Variants in MRC1 observed in about 807,000 individuals in gnomAD.
MRC1 encodes the protein mannose receptor C-type 1, also known as macrophage mannose receptor 1.
MRC1 carries 62 observed loss-of-function variants against 102.9 expected under a neutral mutation model. The observed-to-expected ratio is 0.60, with a 90% CI of 0.49 to 0.74. The LOEUF (loss-of-function observed/expected upper bound fraction) is 0.74, where lower values mean the gene tolerates loss of function less well. Among genes scored for constraint, MRC1 ranks in the 30% least tolerant of loss-of-function variants. The probability of loss-of-function intolerance (pLI) is 0.00; values close to 1 mark genes in which losing one functional copy is unlikely to be tolerated. For synonymous variants in MRC1, 457 were observed against 298.4 expected, an observed-to-expected ratio of 1.53 and a Z score of -5.48; for missense variants, 1,237 against 862.8, an observed-to-expected ratio of 1.43 and a Z score of -5.43.
rs1260418339 is a variant in MRC1, at chr10:17,809,617, C to A, written c.61+91C>A. On this transcript the variant is annotated intron_variant, in intron 1 of 29. Transcript: ENST00000569591. The stretch of plus-strand genomic sequence containing the variant: ...GTTACTGTGAATGGGTTCCTTTCAA[C>A]ATCTTTGTGAGGAGGAAACGGGGTT... The A allele has an allele frequency of 1.1e-5, 9 of 832,264 alleles. No homozygotes were observed. The African/African-American group carries it at 1.3e-4, about 12-fold the overall frequency. 51.6% of individuals were successfully genotyped at this position (832,264 alleles called of 1,614,324 possible).
At chr10:17,874,524 T>C (rs1395503364) in intron 16 of MRC1, among the ~76,000 whole-genome samples, 2 of 152,144 alleles carry the variant, frequency 1.3e-5, no homozygotes, top group Non-Finnish European at 2.9e-5. Context: ...TAAGCTAACA[T>C]TCATAGGTTC....
intron 2 of MRC1, among the ~76,000 whole-genome samples, chr10:17,827,038 T>A (rs2130598561): frequency 6.6e-6 from 1 of 152,166 alleles, no homozygotes; most frequent in South Asian, 2.1e-4. Flanking sequence ...AGCTCCATGA[T>A]TCCAATCAAG....
intron 1 of MRC1, among the ~76,000 whole-genome samples, chr10:17,813,962 G>A (rs1211056947): frequency 6.6e-6 from 1 of 151,980 alleles, no homozygotes; most frequent in Non-Finnish European, 1.5e-5. Context: ...GCCTCCCAAA[G>A]TGCTGGGATT....
rs1833218774 is a variant in MRC1 at position 17,863,674 on chromosome 10, A to C, written c.1775A>C (p.Asp592Ala). 1 of 780,832 alleles carries C rather than the reference A, an allele frequency of 1.3e-6. No homozygotes were observed. Among genetic ancestry groups the C allele is most frequent in the Non-Finnish European group, 2.4e-6 (1 of 417,958 alleles). 48.4% of individuals were successfully genotyped at this position (780,832 alleles called of 1,614,324 possible). A position where few individuals can be genotyped will look rare whatever the true frequency, so the allele number is the denominator to read the frequency against. The stretch of plus-strand genomic sequence containing the variant: ...GTTCGGTTCACCCACTGGAATTCAG[A>C]TATGCCAGGTACGGGCAGCGCTTAG... ...EEVRFTHWNSDMPGRKPGCVA... is the reference protein window; with the variant it reads ...EEVRFTHWNSAMPGRKPGCVA... The change falls in exon 11 of 30, where the codon GAT becomes GCT. Residue 592 changes from aspartate to alanine, a missense_variant. Physicochemically the swap from Asp to Ala is moderately radical, Grantham distance 126. Transcript: ENST00000569591.
chr10:17,900,379 A>C (rs2130717090), intron 24 of MRC1, among the ~76,000 whole-genome samples: 1 of 152,228 alleles, frequency 6.6e-6, no homozygotes, highest in Non-Finnish European at 1.5e-5. Context: ...CATTTCTCTC[A>C]GGTGTCCATG....
chr10:17,816,323 T>C (rs1838312068), intron 1 of MRC1, among the ~76,000 whole-genome samples: 1 of 152,138 alleles, frequency 6.6e-6, no homozygotes, highest in Non-Finnish European at 1.5e-5. Flanking sequence ...GTTAGTTTAT[T>C]TGGGAAGTGA....
In MRC1 at chr10:17,840,785, C is replaced by T. The variant is rs1838738349; in HGVS notation, c.895C>T (p.Arg299Ter). Residue 299 changes from arginine to a stop codon, truncating the protein, a stop_gained, in exon 5 of 30, where the codon CGA (arginine) becomes TGA (stop). Transcript: ENST00000569591. LOFTEE classifies it high-confidence loss of function. ...GCAGTGGAGTGACCGCAGTCCTTTC[C>T]GATATTTGAACTGGTTACCAGGTAG... ...GWQWSDRSPF[R>*]YLNWLPGSPS... The T allele has an allele frequency of 1.3e-6, 1 of 780,812 alleles. No homozygotes were observed. 48.4% of individuals were successfully genotyped at this position (780,812 alleles called of 1,614,324 possible).
chr10:17,862,318 T>C (rs1409525942), intron 10 of MRC1, among the ~76,000 whole-genome samples: 4 of 152,334 alleles, frequency 2.6e-5, no homozygotes, highest in African/African-American at 7.2e-5. Context: ...CATATATATT[T>C]AAATGTCTAA....
chr10:17,882,287 A>T (rs909516750), intron 21 of MRC1, among the ~76,000 whole-genome samples: 2 of 152,018 alleles, frequency 1.3e-5, no homozygotes, highest in Non-Finnish European at 2.9e-5. Context: ...ACTTTGAAGG[A>T]TCATCCTGTG....
Position 17,902,015 on chromosome 10 carries a change from C to G in MRC1, c.3692C>G (p.Pro1231Arg), listed in dbSNP as rs1403996328. Reference sequence around the variant, plus strand: ...CCCCCACAACTGCCTGGCAGATGCCCGGAGTCAGATCACACAGCATGGATT... The same window carrying G: ...CCCCCACAACTGCCTGGCAGATGCCGGGAGTCAGATCACACAGCATGGATT... ...TEPPQLPGRC[P>R]ESDHTAWIPF... Residue 1231 changes from proline to arginine, a missense_variant, in exon 26 of 30, where the codon CCG becomes CGG. Coordinates refer to ENST00000569591, the MANE Select transcript of MRC1 (RefSeq NM_002438.4). 2.6e-6 allele frequency: 2 copies of G among 780,614 alleles called. No individual in the cohort carries two copies. The highest frequency in any genetic ancestry group is 1.7e-5 in the African/African-American group (1 of 59,088). The allele number at this position is 780,614 out of a possible 1,614,324, so 48.4% of individuals were successfully genotyped here. A position where few individuals can be genotyped will look rare whatever the true frequency, so the allele number is the denominator to read the frequency against.
intron 22 of MRC1, among the ~76,000 whole-genome samples, chr10:17,886,438 T>C (rs1833596634): frequency 2.0e-5 from 3 of 148,748 alleles, no homozygotes; most frequent in Non-Finnish European, 3.0e-5. Flanking sequence ...ATTGCCACCC[T>C]GTTACCCAGG....
chr10:17,833,022 C>A (rs1838602740), intron 3 of MRC1, among the ~76,000 whole-genome samples: 1 of 148,106 alleles, frequency 6.8e-6, no homozygotes, highest in Non-Finnish European at 1.5e-5. Flanking sequence ...CACCCTCCCA[C>A]CCTCCCACCT....
intron 1 of MRC1, among the ~76,000 whole-genome samples, chr10:17,822,567 GCCATGATTGCA>G (rs1466751771): frequency 6.6e-6 from 1 of 152,224 alleles, no homozygotes; most frequent in Non-Finnish European, 1.5e-5. Flanking sequence ...GCTACAGTGA[GCCATGATTGCA>G]CCACTGCACT....
In MRC1 at chr10:17,907,011, A is replaced by T; in HGVS notation, c.3913+12A>T. On this transcript the variant is annotated intron_variant, in intron 27 of 29. Transcript: ENST00000569591. ...CAGAAATGTTGAAGGTAATTTTTGC[A>T]GCATGCTTATTTAATCACAAATATT... 1.3e-6 allele frequency: 1 copy of T among 780,642 alleles called. No individual in the cohort carries two copies. The highest frequency in any genetic ancestry group is 2.4e-6 in the Non-Finnish European group (1 of 417,898). 48.4% of individuals were successfully genotyped at this position (780,642 alleles called of 1,614,324 possible).
chr10:17,839,420 G>A (rs1208620139), intron 4 of MRC1, among the ~76,000 whole-genome samples: 1 of 152,110 alleles, frequency 6.6e-6, no homozygotes, highest in Non-Finnish European at 1.5e-5. Flanking sequence ...ACTTTTAGGA[G>A]CATGTCCTGT....
chr10:17,825,513 A>G (rs983547877), intron 2 of MRC1, among the ~76,000 whole-genome samples: 1 of 152,120 alleles, frequency 6.6e-6, no homozygotes, highest in Non-Finnish European at 1.5e-5. Flanking sequence ...GGCTAAGGCA[A>G]GAGGATCACT....
In MRC1 at chr10:17,845,270, C is replaced by A; in HGVS notation, c.917-19C>A. The stretch of plus-strand genomic sequence containing the variant: ...GAATAGCTATAATAGTCCACTTTAA[C>A]TTTTCCTTTTCCTCGAAGGAAGTCC... On this transcript the variant is annotated intron_variant, in intron 5 of 29. Transcript: ENST00000569591. The A allele has an allele frequency of 1.3e-6, 1 of 780,802 alleles. No individual in the cohort carries two copies. The allele number at this position is 780,802 out of a possible 1,614,324, so 48.4% of individuals were successfully genotyped here. A position where few individuals can be genotyped will look rare whatever the true frequency, so the allele number is the denominator to read the frequency against.
rs1368350322 is a variant in MRC1 at position 17,846,999 on chromosome 10, A to T, written c.1063+1564A>T. 4.6e-5 allele frequency among the ~76,000 whole-genome samples: 7 copies of T among 152,262 alleles called. No individual in the cohort carries two copies. In the East Asian group the frequency reaches 1.3e-3, roughly 29 times the overall value. ...GTGTTTGCAATTTTAATTGATATAGATTTGGCCAAGATCCTAAATAGATAT... is the reference window on the plus strand; with the variant it reads ...GTGTTTGCAATTTTAATTGATATAGTTTTGGCCAAGATCCTAAATAGATAT... On this transcript the variant is annotated intron_variant, in intron 6 of 29. Coordinates refer to ENST00000569591, the MANE Select transcript of MRC1 (RefSeq NM_002438.4).
At chr10:17,897,024 C>A (rs1175112887) in intron 23 of MRC1, among the ~76,000 whole-genome samples, 2 of 152,138 alleles carry the variant, frequency 1.3e-5, no homozygotes, top group East Asian at 3.8e-4. Flanking sequence ...TGATCATAGG[C>A]AATACACAAA....
Sources: gnomAD v4.1 joint callset for allele counts (sites outside exome capture counted in the v4.1 genomes callset) on GRCh38, gnomAD v4.1.1 for gene constraint, MANE v1.5 for transcripts, NCBI Gene and HGNC (gene_info 2026-07-23, HGNC 2026-07-21) for gene names.